THSD4: variants seen among roughly 807,000 people sequenced by gnomAD.
THSD4 encodes thrombospondin type-1 domain-containing protein 4.
A neutral mutation model predicts 119.0 loss-of-function variants in THSD4; 69 were observed. The observed-to-expected ratio is 0.58, with a 90% CI of 0.48 to 0.71. The LOEUF (loss-of-function observed/expected upper bound fraction) is 0.71. THSD4 is among the 30% of genes least tolerant of loss of function. THSD4 has a pLI of 0.00. For synonymous variants in THSD4, 524 were observed against 540.4 expected (o/e 0.97, Z 0.42); for missense variants, 1,393 against 1,391.1 (o/e 1.00, Z -0.02).
At chr15:71,667,783 T>C (rs1005873788) in intron 8 of THSD4, among the ~76,000 whole-genome samples, 2 of 152,154 alleles carry the variant, frequency 1.3e-5, no homozygotes, top group African/African-American at 2.4e-5. Flanking sequence ...ACAAATGAAA[T>C]AGAGCAAAAA....
intron 7 of THSD4, among the ~76,000 whole-genome samples, chr15:71,602,570 A>AG (rs1416026130): frequency 1.3e-5 from 2 of 149,546 alleles, no homozygotes; most frequent in African/African-American, 2.5e-5. Flanking sequence ...AAAAAAAAAA[A>AG]AAAAAAAAAA....
At chr15:71,288,972 A>G (rs2044755429) in intron 6 of THSD4, among the ~76,000 whole-genome samples, 1 of 152,134 alleles carries the variant, frequency 6.6e-6, no homozygotes. Flanking sequence ...CTGCTTTTTG[A>G]ATATAAAATC....
chr15:71,353,207 A>G (rs1431397011), intron 6 of THSD4, among the ~76,000 whole-genome samples: 2 of 152,298 alleles, frequency 1.3e-5, no homozygotes, highest in Non-Finnish European at 2.9e-5. Flanking sequence ...AGCCTACTTT[A>G]TTTTCATTCA....
At chr15:71,286,856 G>A (rs2044724181) in intron 6 of THSD4, among the ~76,000 whole-genome samples, 1 of 152,154 alleles carries the variant, frequency 6.6e-6, no homozygotes, top group Non-Finnish European at 1.5e-5. Context: ...TGACTGGTGT[G>A]AGTTGGTGTC....
At chr15:71,482,984 C>T (rs977124354) in intron 7 of THSD4, among the ~76,000 whole-genome samples, 1 of 152,136 alleles carries the variant, frequency 6.6e-6, no homozygotes, top group Non-Finnish European at 1.5e-5. Context: ...AGAACCATTG[C>T]CATGCCCATC....
intron 1 of THSD4, among the ~76,000 whole-genome samples, chr15:71,098,593 C>T (rs1315107380): frequency 6.6e-6 from 1 of 151,944 alleles, no homozygotes. Context: ...AATTTATGAA[C>T]TAGATCATCA....
Position 71,616,819 on chromosome 15 carries a change from C to T in THSD4, c.1153-43711C>T, listed in dbSNP as rs117838560. On this transcript the variant is annotated intron_variant, in intron 7 of 17. Transcript: ENST00000261862. The stretch of plus-strand genomic sequence containing the variant: ...GGTCTTCATCTCCAAGCATCTGTGA[C>T]TGTTTCACTTCATTCATCATGAATA... Among the ~76,000 whole-genome samples, 890 of 152,332 alleles carry T rather than the reference C, an allele frequency of 5.8e-3. 4 individuals are homozygous for T. Among genetic ancestry groups the T allele is most frequent in the Non-Finnish European group, 9.3e-3 (633 of 68,026 alleles).
At chr15:71,467,771 G>A (rs1441368163) in intron 7 of THSD4, among the ~76,000 whole-genome samples, 2 of 151,880 alleles carry the variant, frequency 1.3e-5, no homozygotes, top group African/African-American at 2.4e-5. Context: ...CTGGTGGGGA[G>A]GTAATTGAAT....
chr15:71,767,638 C>A (rs1274976905), intron 16 of THSD4: 1 of 152,090 alleles, frequency 6.6e-6, no homozygotes, highest in African/African-American at 2.4e-5. Context: ...CAATAAAAAG[C>A]CTGTTGTCCT....
At chr15:71,636,861 G>A (rs562633337) in intron 7 of THSD4, among the ~76,000 whole-genome samples, 2 of 151,726 alleles carry the variant, frequency 1.3e-5, no homozygotes, top group African/African-American at 4.8e-5. Flanking sequence ...ACATCTGTGG[G>A]CCAGGCGCTC....
intron 7 of THSD4, among the ~76,000 whole-genome samples, chr15:71,441,481 G>GT (rs144658901): frequency 0.44 from 58,670 of 131,874 alleles, 13,933 homozygotes; most frequent in Non-Finnish European, 0.54. Context: ...GCCCCCTGGG[G>GT]TTTTTTTTTT....
intron 8 of THSD4, among the ~76,000 whole-genome samples, chr15:71,670,760 C>T (rs1028391461): frequency 3.3e-5 from 5 of 151,852 alleles, no homozygotes; most frequent in African/African-American, 1.2e-4. Context: ...GTTTTCTGTC[C>T]TTGCAATAGT....
At position 71,332,892 on chromosome 15, in the gene THSD4, A is replaced by ATTTTTTTTTTTTTTTTT; in HGVS notation, c.1015+76193_1015+76194insTTTTTTTTTTTTTTTTT. Among the ~76,000 whole-genome samples the ATTTTTTTTTTTTTTTTT allele has an allele frequency of 2.2e-3, 173 of 76,936 alleles. 12 individuals are homozygous for ATTTTTTTTTTTTTTTTT. Among genetic ancestry groups the ATTTTTTTTTTTTTTTTT allele is most frequent in the Middle Eastern group, 8.5e-3 (1 of 118 alleles). 50.5% of individuals were successfully genotyped at this position (76,936 alleles called of 152,430 possible). On this transcript the variant is annotated intron_variant, in intron 6 of 17. Transcript: ENST00000261862. ...TCTTAAAACATTGAGATTTTTTTAC[A>ATTTTTTTTTTTTTTTTT]TTTTTTTTTTTTTTTTAGTTCATCA...
chr15:71,512,074 G>A (rs565266567), intron 7 of THSD4, among the ~76,000 whole-genome samples: 12 of 152,262 alleles, frequency 7.9e-5, no homozygotes, highest in South Asian at 4.1e-4. Flanking sequence ...TCTGGAGACC[G>A]AGTTTTGTTG....
intron 7 of THSD4, among the ~76,000 whole-genome samples, chr15:71,474,959 C>T (rs972287111): frequency 3.3e-5 from 5 of 152,180 alleles, no homozygotes; most frequent in African/African-American, 1.2e-4. Flanking sequence ...AAATCAGTAT[C>T]ACCTGGGAAC....
chr15:71,571,245 C>T (rs770226054), intron 7 of THSD4, among the ~76,000 whole-genome samples: 2 of 151,790 alleles, frequency 1.3e-5, no homozygotes. Context: ...TCTCTTGAGC[C>T]CAAAAATCAC....
At chr15:71,153,349 T>C (rs2040744742) in intron 2 of THSD4, among the ~76,000 whole-genome samples, 1 of 152,194 alleles carries the variant, frequency 6.6e-6, no homozygotes, top group African/African-American at 2.4e-5. Context: ...GCGCACCCGC[T>C]TTGTAGTTTC....
intron 7 of THSD4, among the ~76,000 whole-genome samples, chr15:71,454,856 T>C (rs1381078989): frequency 6.6e-6 from 1 of 152,166 alleles, no homozygotes; most frequent in Non-Finnish European, 1.5e-5. Context: ...CTAAATTGAC[T>C]GAATCAATAA....
In THSD4 at chr15:71,242,886, A is replaced by G. The variant is rs2044165481; in HGVS notation, c.702A>G (p.Gly234=). The change falls in exon 5 of 18, where the codon GGA becomes GGG. Residue 234 remains glycine (G), a synonymous_variant. Transcript: ENST00000261862. ...AAAGTGACAGTGGCCCTCGCTCTGGACTGCAGGCTGCGGAGGCCCCCATCT... is the reference window on the plus strand; with the variant it reads ...AAAGTGACAGTGGCCCTCGCTCTGGGCTGCAGGCTGCGGAGGCCCCCATCT... ...LYQSDSGPRS[G]LQAAEAPIYQ... 1 of 1,614,162 alleles carries G rather than the reference A, an allele frequency of 6.2e-7. No individual in the cohort carries two copies. Among genetic ancestry groups the G allele is most frequent in the Non-Finnish European group, 8.5e-7 (1 of 1,180,020 alleles).
Sources: allele counts gnomAD v4.1 joint callset (sites outside exome capture counted in the v4.1 genomes callset), GRCh38; gene constraint gnomAD v4.1.1; transcripts MANE v1.5; gene names NCBI Gene and HGNC (gene_info 2026-07-23, HGNC 2026-07-21).